ELF2: variants seen among roughly 807,000 people sequenced by gnomAD.
ELF2 encodes the protein ETS-related transcription factor Elf-2.
ELF2 carries 11 observed loss-of-function variants against 54.8 expected under a neutral mutation model. The observed-to-expected ratio is 0.20, with a 90% CI of 0.13 to 0.33. The LOEUF is 0.33. Ranked by LOEUF, ELF2 falls within the 10% of genes least tolerant of loss-of-function variation. The probability of loss-of-function intolerance (pLI) is 1.00; values close to 1 mark genes in which losing one functional copy is unlikely to be tolerated. For missense variants in ELF2, 513 were observed against 703.0 expected (o/e 0.73, Z 3.06); for synonymous variants, 203 against 245.1 (o/e 0.83, Z 1.61).
At position 139,137,769 on chromosome 4, in the gene ELF2, G is replaced by A; in HGVS notation, c.-68C>T. ...ATTAAAGGTTCACTGATGGTTGCCA[G>A]TGTTATAGGTTTGCATTATCATGTT... On this transcript the variant is annotated 5_prime_UTR_variant, in exon 3 of 10. Coordinates refer to ENST00000686138, the MANE Select transcript of ELF2 (RefSeq NM_001331036.3). 6.3e-7 allele frequency: 1 copy of A among 1,593,318 alleles called. No homozygotes were observed. Among genetic ancestry groups the A allele is most frequent in the Admixed American group, 1.8e-5 (1 of 57,104 alleles).
intron 6 of ELF2, among the ~76,000 whole-genome samples, chr4:139,069,758 A>C (rs1211648100): frequency 6.6e-6 from 1 of 152,200 alleles, no homozygotes; most frequent in East Asian, 1.9e-4. Context: ...TATATCCCAA[A>C]TGTACTTAAC....
chr4:139,077,586 T>C (rs1730488318), intron 4 of ELF2, among the ~76,000 whole-genome samples: 1 of 152,236 alleles, frequency 6.6e-6, no homozygotes, highest in South Asian at 2.1e-4. Context: ...CTTTTTATTT[T>C]TGTTTACATA....
intron 1 of ELF2, among the ~76,000 whole-genome samples, chr4:139,171,787 A>C (rs1742337201): frequency 6.6e-6 from 1 of 151,978 alleles, no homozygotes; most frequent in East Asian, 1.9e-4. Context: ...AGCTGGGCAT[A>C]GTTGTGCTCG....
upstream of ELF2, among the ~76,000 whole-genome samples, chr4:139,177,520 C>T (rs544265496): frequency 1.5e-4 from 23 of 152,058 alleles, no homozygotes; most frequent in African/African-American, 5.1e-4. Context: ...CTTCTCCTCG[C>T]CCAACTTCTC....
intron 1 of ELF2, among the ~76,000 whole-genome samples, chr4:139,162,647 A>G (rs1262602312): frequency 5.9e-5 from 9 of 152,256 alleles, no homozygotes; most frequent in Non-Finnish European, 2.9e-5. Flanking sequence ...AATACTCATT[A>G]AATGTCCAGA....
Position 139,115,248 on chromosome 4 carries a change from G to C in ELF2, c.238+9916C>G, listed in dbSNP as rs567124924. 36 of 1,609,040 alleles carry C rather than the reference G, an allele frequency of 2.2e-5. No homozygotes were observed. The East Asian group carries it at 7.6e-4, about 34-fold the overall frequency. On this transcript the variant is annotated intron_variant, in intron 4 of 9. Coordinates refer to ENST00000686138, the MANE Select transcript of ELF2 (RefSeq NM_001331036.3). ...TCACTGGGCCCTCATCGTCCGCGCCGCCCGGGCCCTCTCCTGCGGTCCCGG... is the reference window on the plus strand; with the variant it reads ...TCACTGGGCCCTCATCGTCCGCGCCCCCCGGGCCCTCTCCTGCGGTCCCGG...
At chr4:139,136,083 T>C (rs189922897) in intron 3 of ELF2, among the ~76,000 whole-genome samples, 10 of 152,154 alleles carry the variant, frequency 6.6e-5, no homozygotes, top group African/African-American at 2.4e-4. Context: ...GGAGAAAGCA[T>C]TTGAGGAAAA....
At chr4:139,116,891 C>T (rs1380112312) in intron 4 of ELF2, 2 of 186,572 alleles carry the variant, frequency 1.1e-5, no homozygotes, top group Admixed American at 1.3e-4. Flanking sequence ...AGAAATTTGG[C>T]TCCTTATCTT....
At chr4:139,112,697 C>CA (rs1361742118) in intron 4 of ELF2, among the ~76,000 whole-genome samples, 5 of 151,990 alleles carry the variant, frequency 3.3e-5, no homozygotes, top group Non-Finnish European at 4.4e-5. Flanking sequence ...TGTTGTATAG[C>CA]AAAAATTTTT....
At chr4:139,103,631 TC>T (rs1325189753) in intron 4 of ELF2, among the ~76,000 whole-genome samples, 2 of 152,244 alleles carry the variant, frequency 1.3e-5, no homozygotes, top group African/African-American at 4.8e-5. Context: ...TTCATCTGTA[TC>T]CTTTAAATAT....
chr4:139,153,018 A>C (rs1740174635), intron 1 of ELF2, among the ~76,000 whole-genome samples: 1 of 151,278 alleles, frequency 6.6e-6, no homozygotes, highest in African/African-American at 2.4e-5. Context: ...GTAGTTATTG[A>C]AACAAGCAGT....
chr4:139,134,758 C>G (rs1042099641), intron 3 of ELF2, among the ~76,000 whole-genome samples: 1 of 151,458 alleles, frequency 6.6e-6, no homozygotes, highest in Non-Finnish European at 1.5e-5. Flanking sequence ...GTGGCTTAGG[C>G]TGGTCTTGAA....
intron 1 of ELF2, among the ~76,000 whole-genome samples, chr4:139,169,349 A>C (rs1397993913): frequency 2.9e-4 from 43 of 149,896 alleles, no homozygotes; most frequent in African/African-American, 6.4e-4. Flanking sequence ...CTACATTTAA[A>C]AAAAAAAAAA....
At chr4:139,115,414 C>T in intron 4 of ELF2, 1 of 994,318 alleles carries the variant, frequency 1.0e-6, no homozygotes. Flanking sequence ...GGGCCCCTCC[C>T]TGCGCCACCG....
chr4:139,084,521 G>T, intron 4 of ELF2: 1 of 709,612 alleles, frequency 1.4e-6, no homozygotes, highest in South Asian at 5.8e-5. Flanking sequence ...CGCCCAAACA[G>T]GAAGTCCCGG....
intron 7 of ELF2, among the ~76,000 whole-genome samples, chr4:139,063,083 C>G (rs1478705939): frequency 6.6e-6 from 1 of 152,060 alleles, no homozygotes; most frequent in East Asian, 1.9e-4. Context: ...CATGGTGAAA[C>G]CCCATCTCTA....
chr4:139,167,606 A>G (rs1437474225), intron 1 of ELF2, among the ~76,000 whole-genome samples: 1 of 152,196 alleles, frequency 6.6e-6, no homozygotes, highest in Non-Finnish European at 1.5e-5. Context: ...TTGAGTTTTT[A>G]TTATCTACCT....
Position 139,061,857 on chromosome 4 carries a change from G to A in ELF2, c.806+8C>T, listed in dbSNP as rs773224823. On this transcript the variant is annotated splice_region_variant and intron_variant, in intron 8 of 9. Transcript: ENST00000686138. ...TTTGTTTGAATACTAGCTCATTTGA[G>A]TTTTTACCTCAAAGCTCGTCCCATG... 34 of 1,611,056 alleles carry A rather than the reference G, an allele frequency of 2.1e-5. No individual in the cohort carries two copies. The highest frequency in any genetic ancestry group is 8.9e-5 in the East Asian group (4 of 44,810).
chr4:139,174,922 A>G (rs75450100), intron 1 of ELF2, among the ~76,000 whole-genome samples: 1,858 of 152,310 alleles, frequency 0.012, 19 homozygotes, highest in Non-Finnish European at 0.017. Context: ...CCCAGCAACT[A>G]TGCCATTTTA....
Sources: allele counts gnomAD v4.1 joint callset (sites outside exome capture counted in the v4.1 genomes callset), GRCh38; gene constraint gnomAD v4.1.1; transcripts MANE v1.5; gene names NCBI Gene and HGNC (gene_info 2026-07-23, HGNC 2026-07-21).